Variants in HECW2 observed in about 807,000 individuals in gnomAD.
The protein encoded by HECW2 is HECT, C2 and WW domain containing E3 ubiquitin protein ligase 2, also known as E3 ubiquitin-protein ligase HECW2.
Under a neutral mutation model 175.2 loss-of-function variants are expected in HECW2, and 61 were observed. The ratio of observed to expected loss-of-function variants is 0.35; its 90% confidence interval spans 0.28 to 0.43. The LOEUF is 0.43. HECW2 is among the 20% of genes least tolerant of loss of function. The pLI is 1.00. For missense variants in HECW2, 1,524 were observed against 2,000.5 expected, an observed-to-expected ratio of 0.76 and a Z score of 4.54; for synonymous variants, 671 against 731.0, an observed-to-expected ratio of 0.92 and a Z score of 1.32.
intron 19 of HECW2, 63 bp downstream of exon 19, chr2:196,253,857 T>C (rs1198854203): frequency 1.1e-5 from 16 of 1,455,886 alleles, no homozygotes; most frequent in Admixed American, 8.4e-5. Flanking sequence ...TTAGGGAGGA[T>C]AGAACATCTG....
intron 1 of HECW2, among the ~76,000 whole-genome samples, chr2:196,480,432 G>A (rs1473927507): frequency 6.6e-6 from 1 of 152,120 alleles, no homozygotes; most frequent in Non-Finnish European, 1.5e-5. Flanking sequence ...ATTAAAATTG[G>A]GCGAGGCCTC....
chr2:196,513,354 G>C (rs1426726734), intron 1 of HECW2, among the ~76,000 whole-genome samples: 1 of 152,070 alleles, frequency 6.6e-6, no homozygotes. Context: ...ACAAAAAATA[G>C]AAAAATTAGC....
intron 1 of HECW2, among the ~76,000 whole-genome samples, chr2:196,504,113 T>C (rs569273954): frequency 1.3e-5 from 2 of 151,902 alleles, no homozygotes; most frequent in Admixed American, 6.6e-5. Context: ...CTGGATAACA[T>C]AGTGTAACCT....
intron 1 of HECW2, among the ~76,000 whole-genome samples, chr2:196,543,288 T>A (rs193149325): frequency 0.028 from 4,276 of 151,294 alleles, 81 homozygotes; most frequent in South Asian, 0.083. Flanking sequence ...ATATATATTT[T>A]TATATATATA....
At chr2:196,585,740 A>G (rs1378339916) in intron 1 of HECW2, among the ~76,000 whole-genome samples, 3 of 152,162 alleles carry the variant, frequency 2.0e-5, no homozygotes, top group Admixed American at 6.5e-5. Flanking sequence ...GGGGGCCTAT[A>G]CGGAGGGTAT....
At chr2:196,300,589 A>G (rs372163298) in intron 13 of HECW2, among the ~76,000 whole-genome samples, 1 of 152,246 alleles carries the variant, frequency 6.6e-6, no homozygotes, top group Non-Finnish European at 1.5e-5. Flanking sequence ...CACTGTAGGT[A>G]GCAAAAATCA....
In HECW2 at chr2:196,324,780, C is replaced by G. The variant is rs568187461; in HGVS notation, c.741+200G>C. Among the ~76,000 whole-genome samples, 118 of 152,036 alleles carry G rather than the reference C, an allele frequency of 7.8e-4. 2 individuals carry two copies. The highest frequency in any genetic ancestry group is 2.8e-3 in the African/African-American group (114 of 41,448). On this transcript the variant is annotated intron_variant, in intron 6 of 28. Coordinates refer to ENST00000644978, the MANE Select transcript of HECW2 (RefSeq NM_001348768.2). Reference sequence around the variant, plus strand: ...TTTTTGGAGGCTCCTTAAATTGTTCCCCTGATGTGACAGCTTCATTTGTCT... The same window carrying G: ...TTTTTGGAGGCTCCTTAAATTGTTCGCCTGATGTGACAGCTTCATTTGTCT...
chr2:196,290,350 C>T (rs1255460339), intron 14 of HECW2: 1 of 152,158 alleles, frequency 6.6e-6, no homozygotes, highest in African/African-American at 2.4e-5. Flanking sequence ...AACTCTTCTT[C>T]AATAGTATCC....
intron 12 of HECW2, 66 bp from the exon 13 acceptor site, chr2:196,306,678 C>T (rs1445369066): frequency 6.9e-7 from 1 of 1,457,762 alleles, no homozygotes; most frequent in Admixed American, 2.3e-5. Flanking sequence ...TATCTACTCA[C>T]TTCAGTCTGC....
At chr2:196,282,115 C>A (rs140442278) in intron 14 of HECW2, among the ~76,000 whole-genome samples, 3 of 151,986 alleles carry the variant, frequency 2.0e-5, no homozygotes, top group Non-Finnish European at 2.9e-5. Flanking sequence ...ACACAAGGCT[C>A]AAAAAAAGGA....
At chr2:196,510,534 C>T (rs760381182) in intron 1 of HECW2, among the ~76,000 whole-genome samples, 1 of 152,046 alleles carries the variant, frequency 6.6e-6, no homozygotes, top group Non-Finnish European at 1.5e-5. Context: ...TACAGGCCTT[C>T]ATGCTTTTAT....
At chr2:196,548,329 CA>C (rs567517422) in intron 1 of HECW2, among the ~76,000 whole-genome samples, 6,548 of 73,782 alleles carry the variant, frequency 0.089, 400 homozygotes, top group African/African-American at 0.26. Context: ...GACTCCATCT[CA>C]AAAAAAAAAA....
intron 2 of HECW2, among the ~76,000 whole-genome samples, chr2:196,360,544 G>A (rs1693552061): frequency 6.6e-6 from 1 of 152,124 alleles, no homozygotes; most frequent in Non-Finnish European, 1.5e-5. Context: ...GAGCCTACTC[G>A]AGGGTGAAGG....
chr2:196,203,792 A>G (rs552996214), intron 28 of HECW2, among the ~76,000 whole-genome samples: 2 of 152,330 alleles, frequency 1.3e-5, no homozygotes, highest in African/African-American at 2.4e-5. Context: ...TTATTTTGCA[A>G]CCATCATCAC....
At chr2:196,383,107 T>C (rs1694253312) in intron 2 of HECW2, among the ~76,000 whole-genome samples, 1 of 152,062 alleles carries the variant, frequency 6.6e-6, no homozygotes, top group South Asian at 2.1e-4. Context: ...TGGAGCCAGA[T>C]ATAGATAAGT....
intron 1 of HECW2, among the ~76,000 whole-genome samples, chr2:196,472,398 G>A (rs1181033626): frequency 1.4e-5 from 2 of 147,930 alleles, no homozygotes; most frequent in African/African-American, 5.0e-5. Flanking sequence ...TGAGGTGGGA[G>A]AACCACTTGA....
chr2:196,424,781 TA>T (rs1428620047), intron 2 of HECW2, among the ~76,000 whole-genome samples: 1 of 152,114 alleles, frequency 6.6e-6, no homozygotes, highest in African/African-American at 2.4e-5. Context: ...CTCTATAGCA[TA>T]AAAGTACAAA....
Position 196,495,168 on chromosome 2 carries a change from A to G in HECW2, c.-35-61710T>C, listed in dbSNP as rs921623369. On this transcript the variant is annotated intron_variant, in intron 1 of 28. Transcript: ENST00000644978. ...CTGCAACCTCCACCTCCCAGGTTCA[A>G]ACGATTCTCCTCACTCAGCCTCCCA... is the stretch of plus-strand genomic sequence containing the variant. 2.0e-5 allele frequency among the ~76,000 whole-genome samples: 3 copies of G among 152,016 alleles called. No individual in the cohort carries two copies. In the South Asian group the frequency reaches 6.2e-4, roughly 32 times the overall value.
At chr2:196,481,708 A>G (rs955451535) in intron 1 of HECW2, among the ~76,000 whole-genome samples, 3 of 152,268 alleles carry the variant, frequency 2.0e-5, no homozygotes, top group Admixed American at 6.5e-5. Context: ...TATCACAAGA[A>G]TCAGAAAACT....
Sources: allele counts gnomAD v4.1 joint callset (sites outside exome capture counted in the v4.1 genomes callset), GRCh38; gene constraint gnomAD v4.1.1; transcripts MANE v1.5; gene names NCBI Gene and HGNC (gene_info 2026-07-23, HGNC 2026-07-21).